Variants in SH3GL2 observed in about 807,000 individuals in gnomAD.
The protein encoded by SH3GL2 is endophilin-A1.
A neutral mutation model predicts 46.0 loss-of-function variants in SH3GL2; 24 were observed. The observed-to-expected ratio is 0.52, with a 90% confidence interval of 0.38 to 0.73. The LOEUF is 0.73. Ranked by LOEUF, SH3GL2 falls within the 30% of genes least tolerant of loss-of-function variation. The pLI is 0.00. For missense variants in SH3GL2, 413 were observed against 424.2 expected, an observed-to-expected ratio of 0.97 and a Z score of 0.23; for synonymous variants, 196 against 147.1, an observed-to-expected ratio of 1.33 and a Z score of -2.40.
intron 1 of SH3GL2, among the ~76,000 whole-genome samples, chr9:17,605,210 C>T (rs1281366500): frequency 1.3e-5 from 2 of 151,980 alleles, no homozygotes; most frequent in African/African-American, 4.8e-5. Flanking sequence ...AACACCTGGC[C>T]TCAAATGATC....
At chr9:17,776,086 G>A (rs187158430) in intron 3 of SH3GL2, among the ~76,000 whole-genome samples, 3 of 152,120 alleles carry the variant, frequency 2.0e-5, no homozygotes, top group South Asian at 2.1e-4. Context: ...AATAGGGTGC[G>A]GAGGGCAGAA....
At chr9:17,653,029 C>T (rs1311350498) in intron 1 of SH3GL2, among the ~76,000 whole-genome samples, 2 of 152,158 alleles carry the variant, frequency 1.3e-5, no homozygotes, top group Non-Finnish European at 2.9e-5. Flanking sequence ...TCCATTTTAT[C>T]CCTCTGTGAC....
At chr9:17,614,310 A>G (rs889506668) in intron 1 of SH3GL2, among the ~76,000 whole-genome samples, 7 of 150,974 alleles carry the variant, frequency 4.6e-5, no homozygotes, top group African/African-American at 1.7e-4. Flanking sequence ...AAAAAAAAAA[A>G]AAAAAAAAAA....
At chr9:17,761,675 G>T (rs1823179931) in intron 3 of SH3GL2, 166 bp downstream of exon 3, 3 of 691,568 alleles carry the variant, frequency 4.3e-6, no homozygotes, top group South Asian at 3.2e-5. Flanking sequence ...CTGGGGAGAA[G>T]GGCTTTTTAA....
intron 1 of SH3GL2, among the ~76,000 whole-genome samples, chr9:17,650,326 G>A (rs968800242): frequency 2.0e-5 from 3 of 152,100 alleles, no homozygotes; most frequent in Non-Finnish European, 4.4e-5. Flanking sequence ...ATCATGGTAT[G>A]GATTGGTTGA....
At chr9:17,650,042 C>G (rs569786047) in intron 1 of SH3GL2, among the ~76,000 whole-genome samples, 2 of 152,266 alleles carry the variant, frequency 1.3e-5, no homozygotes, top group Admixed American at 6.5e-5. Flanking sequence ...TTCTAATATT[C>G]CAACAAGGAT....
chr9:17,604,307 A>G (rs1356748771), intron 1 of SH3GL2, among the ~76,000 whole-genome samples: 1 of 152,210 alleles, frequency 6.6e-6, no homozygotes, highest in Non-Finnish European at 1.5e-5. Context: ...CAGACCGTTA[A>G]CTTTTCTAAA....
intron 1 of SH3GL2, among the ~76,000 whole-genome samples, chr9:17,689,165 A>G (rs867082275): frequency 6.6e-6 from 1 of 152,112 alleles, no homozygotes; most frequent in Non-Finnish European, 1.5e-5. Context: ...TAGTCTCATC[A>G]TGAGAAAGAA....
chr9:17,695,853 CAT>C (rs1220275816), intron 1 of SH3GL2, among the ~76,000 whole-genome samples: 1 of 151,954 alleles, frequency 6.6e-6, no homozygotes. Context: ...ATCTGAGGAA[CAT>C]GGGTAGGGAA....
At chr9:17,622,763 G>T (rs571158640) in intron 1 of SH3GL2, among the ~76,000 whole-genome samples, 6 of 152,088 alleles carry the variant, frequency 3.9e-5, no homozygotes, top group Non-Finnish European at 7.4e-5. Context: ...GAGCAGGCAC[G>T]GTAAGTAAAG....
chr9:17,730,329 A>G (rs1233400673), intron 1 of SH3GL2, among the ~76,000 whole-genome samples: 1 of 152,130 alleles, frequency 6.6e-6, no homozygotes, highest in African/African-American at 2.4e-5. Flanking sequence ...AGACTGCTGA[A>G]GTTGCTTATC....
intron 3 of SH3GL2, among the ~76,000 whole-genome samples, chr9:17,767,613 G>C (rs545893850): frequency 6.6e-6 from 1 of 152,254 alleles, no homozygotes; most frequent in South Asian, 2.1e-4. Context: ...ATTATGCCTG[G>C]TACATTGTTT....
chr9:17,736,567 G>A (rs764111868), intron 1 of SH3GL2, among the ~76,000 whole-genome samples: 10 of 152,138 alleles, frequency 6.6e-5, no homozygotes, highest in Middle Eastern at 3.2e-3. Context: ...TTTGGCTTAG[G>A]AAGGAAGAAC....
intron 1 of SH3GL2, among the ~76,000 whole-genome samples, chr9:17,587,898 C>CAA (rs1818411101): frequency 1.1e-4 from 16 of 145,464 alleles, no homozygotes; most frequent in African/African-American, 4.2e-4. Context: ...AAAACAAAAA[C>CAA]CAAAAAAAAA....
intron 1 of SH3GL2, among the ~76,000 whole-genome samples, chr9:17,675,126 G>A (rs10810821): frequency 0.27 from 41,257 of 152,044 alleles, 6,731 homozygotes; most frequent in East Asian, 0.51. Flanking sequence ...ATTTCTTTGT[G>A]GTAGTCATCT....
At chr9:17,715,858 G>C (rs1347341198) in intron 1 of SH3GL2, among the ~76,000 whole-genome samples, 2 of 152,026 alleles carry the variant, frequency 1.3e-5, no homozygotes, top group African/African-American at 4.8e-5. Flanking sequence ...CTGTAGATGA[G>C]CAAGTTCATC....
chr9:17,766,203 G>T (rs113774962), intron 3 of SH3GL2, among the ~76,000 whole-genome samples: 1 of 152,332 alleles, frequency 6.6e-6, no homozygotes, highest in African/African-American at 2.4e-5. Context: ...TAACTGATGA[G>T]ATGTGGAAGT....
At chr9:17,688,002 T>G (rs3808716) in intron 1 of SH3GL2, among the ~76,000 whole-genome samples, 61,763 of 151,980 alleles carry the variant, frequency 0.41, 13,069 homozygotes, top group Admixed American at 0.55. Flanking sequence ...AGATTGTGTC[T>G]CATAGTTCAG....
At chr9:17,750,530 A>C (rs1822813255) in intron 2 of SH3GL2, among the ~76,000 whole-genome samples, 1 of 152,104 alleles carries the variant, frequency 6.6e-6, no homozygotes. Flanking sequence ...CTGTCTCTGT[A>C]GGATCCCTGC....
Sources: gnomAD v4.1 joint callset for allele counts (sites outside exome capture counted in the v4.1 genomes callset) on GRCh38, gnomAD v4.1.1 for gene constraint, MANE v1.5 for transcripts, NCBI Gene and HGNC (gene_info 2026-07-23, HGNC 2026-07-21) for gene names.